PPP1R9A: variants seen among roughly 807,000 people sequenced by gnomAD.
PPP1R9A encodes the protein neurabin-1.
PPP1R9A carries 59 observed loss-of-function variants against 141.9 expected under a neutral mutation model. The ratio of observed to expected loss-of-function variants is 0.42; its 90% CI spans 0.34 to 0.52. The LOEUF is 0.52. PPP1R9A is among the 20% of genes least tolerant of loss of function. The pLI is 0.10. For synonymous variants in PPP1R9A, 500 were observed against 569.7 expected (o/e 0.88, Z 1.74); for missense variants, 1,444 against 1,611.9 (o/e 0.90, Z 1.78).
At chr7:95,173,950 C>T (rs1394454732) in intron 5 of PPP1R9A, among the ~76,000 whole-genome samples, 1 of 152,152 alleles carries the variant, frequency 6.6e-6, no homozygotes, top group South Asian at 2.1e-4. Flanking sequence ...CTTTGCAGAA[C>T]AGTCTGGTAG....
chr7:94,958,907 A>C (rs905970138), intron 2 of PPP1R9A, among the ~76,000 whole-genome samples: 8 of 152,016 alleles, frequency 5.3e-5, no homozygotes, highest in African/African-American at 1.4e-4. Flanking sequence ...ATATGGTTAC[A>C]TATTTTGCTG....
chr7:95,248,355 T>C, intron 9 of PPP1R9A, among the ~76,000 whole-genome samples: 1 of 151,066 alleles, frequency 6.6e-6, no homozygotes. Context: ...CTCCGTGTGT[T>C]TTAAATGGAG....
intron 8 of PPP1R9A, among the ~76,000 whole-genome samples, chr7:95,246,751 G>T (rs1585439376): frequency 6.6e-6 from 1 of 152,000 alleles, no homozygotes; most frequent in Non-Finnish European, 1.5e-5. Flanking sequence ...CGAATGATTC[G>T]TTCAGTTCCT....
intron 2 of PPP1R9A, among the ~76,000 whole-genome samples, chr7:94,945,808 C>T (rs1047839126): frequency 1.3e-5 from 2 of 151,920 alleles, no homozygotes; most frequent in Non-Finnish European, 2.9e-5. Flanking sequence ...AAGAGGCTTA[C>T]TTATATACTT....
intron 4 of PPP1R9A, among the ~76,000 whole-genome samples, chr7:95,146,022 G>A (rs1320866717): frequency 1.3e-5 from 2 of 152,068 alleles, no homozygotes; most frequent in African/African-American, 4.8e-5. Context: ...CCAAGTAATG[G>A]GATTGCTAGG....
intron 2 of PPP1R9A, among the ~76,000 whole-genome samples, chr7:94,976,394 T>C (rs1205724045): frequency 6.7e-6 from 1 of 148,862 alleles, no homozygotes; most frequent in Non-Finnish European, 1.5e-5. Context: ...CAGGCTGGAG[T>C]GCAGTGGTGT....
At chr7:95,195,468 G>A (rs1366840017) in intron 5 of PPP1R9A, among the ~76,000 whole-genome samples, 1 of 149,430 alleles carries the variant, frequency 6.7e-6, no homozygotes, top group African/African-American at 2.5e-5. Flanking sequence ...TTTAAGGGAC[G>A]GGTCTCATTG....
chr7:95,021,992 TC>T (rs763255931), intron 2 of PPP1R9A, among the ~76,000 whole-genome samples: 11 of 152,162 alleles, frequency 7.2e-5, no homozygotes, highest in Non-Finnish European at 1.3e-4. Flanking sequence ...AGTAGTTTTT[TC>T]CTAATTCTGT....
intron 2 of PPP1R9A, among the ~76,000 whole-genome samples, chr7:94,918,909 A>G (rs951415181): frequency 2.4e-4 from 36 of 152,208 alleles, no homozygotes; most frequent in Non-Finnish European, 3.1e-4. Flanking sequence ...TGTGGGAGCA[A>G]CAAATGCTAT....
In PPP1R9A at chr7:95,009,043, T is replaced by A. The variant is rs546998261; in HGVS notation, c.1395+97535T>A. Among the ~76,000 whole-genome samples the A allele has an allele frequency of 1.8e-4, 27 of 151,906 alleles. 1 individual carries two copies. The highest frequency in any genetic ancestry group is 6.6e-4 in the Admixed American group (10 of 15,262). On this transcript the variant is annotated intron_variant, in intron 2 of 19. Coordinates refer to ENST00000433360, the MANE Select transcript of PPP1R9A (RefSeq NM_001166160.2). ...GGAAACCATCATTCTCAGCAAACTA[T>A]CGCAAGGACAGAAAACCAAACACCG...
At chr7:95,174,578 C>G (rs1832625736) in intron 5 of PPP1R9A, among the ~76,000 whole-genome samples, 1 of 152,002 alleles carries the variant, frequency 6.6e-6, no homozygotes, top group South Asian at 2.1e-4. Context: ...ACTTAAAAAG[C>G]ACCATACGAA....
At chr7:94,968,235 G>C (rs1031185634) in intron 2 of PPP1R9A, among the ~76,000 whole-genome samples, 1 of 151,680 alleles carries the variant, frequency 6.6e-6, no homozygotes, top group Non-Finnish European at 1.5e-5. Flanking sequence ...TGCAGTGGCG[G>C]GATCTCGGCT....
chr7:95,173,281 G>A (rs1237516498), intron 5 of PPP1R9A, among the ~76,000 whole-genome samples: 3 of 151,946 alleles, frequency 2.0e-5, no homozygotes, highest in African/African-American at 7.2e-5. Flanking sequence ...GACTCTAAAA[G>A]AGGAGAACTG....
chr7:95,219,061 C>T (rs1026641627), intron 7 of PPP1R9A, among the ~76,000 whole-genome samples: 1 of 152,086 alleles, frequency 6.6e-6, no homozygotes, highest in Admixed American at 6.6e-5. Context: ...TTCTTCTTAG[C>T]CTCGATGGTC....
At chr7:95,203,860 A>G in intron 7 of PPP1R9A, 130 bp downstream of exon 7, 1 of 587,276 alleles carries the variant, frequency 1.7e-6, no homozygotes, top group South Asian at 2.7e-5. Flanking sequence ...TGTTTTGTGC[A>G]TTGAATAATA....
At chr7:95,015,217 A>AAT (rs139234228) in intron 2 of PPP1R9A, among the ~76,000 whole-genome samples, 80 of 149,668 alleles carry the variant, frequency 5.3e-4, no homozygotes, top group African/African-American at 1.4e-3. Flanking sequence ...TACACACACG[A>AAT]ATATATATAT....
At chr7:95,169,503 A>G (rs1198000508) in intron 5 of PPP1R9A, among the ~76,000 whole-genome samples, 1 of 151,932 alleles carries the variant, frequency 6.6e-6, no homozygotes, top group Non-Finnish European at 1.5e-5. Context: ...CAATGTATGT[A>G]TATTACAAAA....
At chr7:95,264,710 T>G (rs1254017357) in intron 12 of PPP1R9A, among the ~76,000 whole-genome samples, 2 of 152,182 alleles carry the variant, frequency 1.3e-5, no homozygotes, top group Admixed American at 6.5e-5. Flanking sequence ...TATTTATTGA[T>G]TCACCTCAGT....
Position 95,203,619 on chromosome 7 carries a change from C to T in PPP1R9A, c.1891-46C>T, listed in dbSNP as rs189065096. On this transcript the variant is annotated intron_variant, in intron 6 of 19. Coordinates refer to ENST00000433360, the MANE Select transcript of PPP1R9A (RefSeq NM_001166160.2). ...CAATCCTTTATCAGGCTGCTCTCTG[C>T]GGTGGGGGTTAAGCCTTCTTTAATA... 156 of 1,392,828 alleles carry T rather than the reference C, an allele frequency of 1.1e-4. No homozygotes were observed. In the African/African-American group the frequency reaches 1.9e-3, roughly 17 times the overall value. The allele number at this position is 1,392,828 out of a possible 1,614,324, so 86.3% of individuals were successfully genotyped here. A position where few individuals can be genotyped will look rare whatever the true frequency, so the allele number is the denominator to read the frequency against.
Sources: gnomAD v4.1 joint callset for allele counts (sites outside exome capture counted in the v4.1 genomes callset) on GRCh38, gnomAD v4.1.1 for gene constraint, MANE v1.5 for transcripts, NCBI Gene and HGNC (gene_info 2026-07-23, HGNC 2026-07-21) for gene names.